The following KDM4A variants were observed in gnomAD, a reference collection of about 807,000 sequenced individuals.
KDM4A encodes the protein lysine-specific demethylase 4A.
A neutral mutation model predicts 127.1 loss-of-function variants in KDM4A; 23 were observed. The observed-to-expected ratio is 0.18, with a 90% CI of 0.13 to 0.26. The LOEUF (loss-of-function observed/expected upper bound fraction) is 0.26. KDM4A is among the 10% of genes least tolerant of loss of function. The pLI, the probability that KDM4A is intolerant of heterozygous loss-of-function variation, is 1.00. For missense variants in KDM4A, 890 were observed against 1,329.1 expected (o/e 0.67, Z 5.14); for synonymous variants, 443 against 466.5 (o/e 0.95, Z 0.65).
chr1:43,701,333 G>A lies in KDM4A; in HGVS notation c.2842-2284G>A, dbSNP rs558587684. 2.0e-3 allele frequency among the ~76,000 whole-genome samples: 306 copies of A among 152,268 alleles called. 1 individual carries two copies. Among genetic ancestry groups the A allele is most frequent in the Non-Finnish European group, 3.3e-3 (223 of 68,014 alleles). On this transcript the variant is annotated intron_variant, in intron 19 of 21. Transcript: ENST00000372396. ...CCGCTTCTCTGAAATGCTAATATTT[G>A]TTTGAAAGCCTGAATTTTACTATTG...
chr1:43,663,225 C>T (rs1660424359), intron 5 of KDM4A, 138 bp downstream of exon 5: 1 of 714,186 alleles, frequency 1.4e-6, no homozygotes, highest in Non-Finnish European at 2.3e-6. Context: ...ATGTTTTAAA[C>T]ACACTTTCAA....
At chr1:43,700,197 A>G (rs1661352785) in intron 19 of KDM4A, 1 of 151,556 alleles carries the variant, frequency 6.6e-6, no homozygotes, top group Admixed American at 6.6e-5. Flanking sequence ...CAGTGATCTC[A>G]ACTCACTGCA....
At chr1:43,658,722 C>T (rs1660305098) in intron 3 of KDM4A, among the ~76,000 whole-genome samples, 1 of 151,900 alleles carries the variant, frequency 6.6e-6, no homozygotes, top group Non-Finnish European at 1.5e-5. Flanking sequence ...ACAGGATGGT[C>T]TTGATCTCCT....
chr1:43,655,513 G>T, intron 2 of KDM4A, 78 bp from the exon 3 acceptor site: 2 of 1,279,146 alleles, frequency 1.6e-6, no homozygotes, highest in Non-Finnish European at 2.2e-6. Flanking sequence ...TAGGTTGGCT[G>T]GTAACTACAT....
intron 3 of KDM4A, among the ~76,000 whole-genome samples, chr1:43,658,853 T>C (rs1450779880): frequency 6.6e-6 from 1 of 151,964 alleles, no homozygotes; most frequent in African/African-American, 2.4e-5. Context: ...GCCATGTTGC[T>C]GGTCTCAAAC....
Position 43,671,884 on chromosome 1 carries a change from T to A in KDM4A, c.1734+9T>A. The stretch of plus-strand genomic sequence containing the variant: ...AGCGGGAGCTGGCAGAGGTATGGGC[T>A]CCAGGCAGTGGTGTGGGGTGGGGAG... On this transcript the variant is annotated intron_variant, in intron 11 of 21. Transcript: ENST00000372396. The A allele has an allele frequency of 1.3e-6, 2 of 1,545,804 alleles. No homozygotes were observed. The highest frequency in any genetic ancestry group is 1.7e-6 in the Non-Finnish European group (2 of 1,144,840).
intron 5 of KDM4A, among the ~76,000 whole-genome samples, chr1:43,664,145 GT>G (rs1660447904): frequency 6.6e-6 from 1 of 152,198 alleles, no homozygotes; most frequent in Non-Finnish European, 1.5e-5. Context: ...TTTCAAAGAG[GT>G]GACAAGTGAG....
Position 43,688,628 on chromosome 1 carries a change from GGA to G in KDM4A, c.1856-282_1856-281del, listed in dbSNP as rs1026390034. 1.7e-4 allele frequency among the ~76,000 whole-genome samples: 26 copies of G among 152,264 alleles called. No homozygotes were observed. Among genetic ancestry groups the G allele is most frequent in the Middle Eastern group, 6.8e-3 (2 of 294 alleles). On this transcript the variant is annotated intron_variant, in intron 12 of 21. Coordinates refer to ENST00000372396, the MANE Select transcript of KDM4A (RefSeq NM_014663.3). The surrounding 1 kb of genome is among the most constrained non-coding windows in gnomAD (Gnocchi z 4.4). ...AGGGCTGAATGTGGCAGCTGTTAAG[GGA>G]GAGTAGAGCAAGCTGAGCTCGTGGG...
Position 43,694,976 on chromosome 1 carries a change from C to A in KDM4A, c.2670+82C>A. 2.3e-6 allele frequency: 3 copies of A among 1,306,226 alleles called. No homozygotes were observed. The highest frequency in any genetic ancestry group is 3.2e-6 in the Non-Finnish European group (3 of 950,392). 80.9% of individuals were successfully genotyped at this position (1,306,226 alleles called of 1,614,324 possible). The stretch of plus-strand genomic sequence containing the variant: ...GCATGTTTTCCATTTGTTGTATCAG[C>A]AACTATTTCCTCAAGCATTCTGCAT... On this transcript the variant is annotated intron_variant, in intron 18 of 21. Transcript: ENST00000372396. The surrounding 1 kb of genome is among the most constrained non-coding windows in gnomAD (Gnocchi z 5.2).
chr1:43,688,849 T>G lies in KDM4A; in HGVS notation c.1856-65T>G, dbSNP rs1423469210. On this transcript the variant is annotated intron_variant, in intron 12 of 21. Coordinates refer to ENST00000372396, the MANE Select transcript of KDM4A (RefSeq NM_014663.3). The surrounding 1 kb of genome is among the most constrained non-coding windows in gnomAD (Gnocchi z 4.4). ...CAGGAGTCCTAGTGGAACTCATCTG[T>G]TCTCCAGGCAGAGCCACAGATGTGC... The G allele has an allele frequency of 1.4e-6, 2 of 1,467,652 alleles. No individual in the cohort carries two copies. The highest frequency in any genetic ancestry group is 1.9e-6 in the Non-Finnish European group (2 of 1,064,102). 90.9% of individuals were successfully genotyped at this position (1,467,652 alleles called of 1,614,324 possible). A position where few individuals can be genotyped will look rare whatever the true frequency, so the allele number is the denominator to read the frequency against.
At chr1:43,677,148 C>G (rs1476580576) in intron 11 of KDM4A, among the ~76,000 whole-genome samples, 1 of 152,052 alleles carries the variant, frequency 6.6e-6, no homozygotes, top group Non-Finnish European at 1.5e-5. Context: ...AGTGCGAGAC[C>G]AGCCTGGCCA....
chr1:43,669,033 G>GT (rs1660561101), intron 9 of KDM4A, 67 bp from the exon 10 acceptor site: 1 of 1,535,172 alleles, frequency 6.5e-7, no homozygotes, highest in South Asian at 1.1e-5. Flanking sequence ...GTGTGGATGT[G>GT]TATGAATGTG....
intron 15 of KDM4A, among the ~76,000 whole-genome samples, chr1:43,692,026 C>A (rs1022179817): frequency 9.8e-5 from 15 of 152,330 alleles, no homozygotes; most frequent in African/African-American, 3.6e-4. Flanking sequence ...TTAGCAGCAA[C>A]AATGAAGAGG....
Position 43,704,327 on chromosome 1 carries a change from A to C in KDM4A, c.3152A>C (p.Glu1051Ala). 1 of 1,613,978 alleles carries C rather than the reference A, an allele frequency of 6.2e-7. No homozygotes were observed. Among genetic ancestry groups the C allele is most frequent in the Non-Finnish European group, 8.5e-7 (1 of 1,180,028 alleles). ...CGAGTTATCAACTCAAGATACCGGG[A>C]AGATTATATTGAGCCTGCACTATAC... ...RQRVINSRYR[E>A]DYIEPALYRA... Residue 1051 changes from glutamate to alanine, a missense_variant, in exon 22 of 22, where the codon GAA becomes GCA. This residue lies in a region of KDM4A where 246 missense variants were observed against 418.4 expected (regional missense o/e 0.59). Coordinates refer to ENST00000372396, the MANE Select transcript of KDM4A (RefSeq NM_014663.3).
At chr1:43,690,298 A>G (rs1183030774) in intron 13 of KDM4A, among the ~76,000 whole-genome samples, 2 of 151,862 alleles carry the variant, frequency 1.3e-5, no homozygotes, top group African/African-American at 4.8e-5. Flanking sequence ...AGCCCACAGT[A>G]GCAGCCTAGC....
At position 43,694,515 on chromosome 1, in the gene KDM4A, C is replaced by CAAAA. The variant is rs35419389; in HGVS notation, c.2485-178_2485-175dup. 1.0e-4 allele frequency among the ~76,000 whole-genome samples: 11 copies of CAAAA among 107,338 alleles called. No individual in the cohort carries two copies. The highest frequency in any genetic ancestry group is 3.8e-4 in the African/African-American group (11 of 28,730). The allele number at this position is 107,338 out of a possible 152,430, so 70.4% of individuals were successfully genotyped here. A position where few individuals can be genotyped will look rare whatever the true frequency, so the allele number is the denominator to read the frequency against. On this transcript the variant is annotated intron_variant, in intron 17 of 21. Coordinates refer to ENST00000372396, the MANE Select transcript of KDM4A (RefSeq NM_014663.3). This position sits in a 1 kb window ranked among gnomAD's most constrained non-coding sequence, Gnocchi z 5.2. ...TGGGTGACAGAGCAAGACTCCGTCT[C>CAAAA]AAAAAAAAAAAAAAAAAAATTTCCT...
chr1:43,702,457 G>A (rs1420930124), intron 19 of KDM4A: 2 of 152,166 alleles, frequency 1.3e-5, no homozygotes, highest in Non-Finnish European at 2.9e-5. Context: ...ACTGTAGCAT[G>A]ATTGTAAGAG....
At position 43,704,782 on chromosome 1, in the gene KDM4A, T is replaced by TGTGC. The variant is rs59753518; in HGVS notation, c.*432_*435dup. ...TTTTGTATTTATATGTGTGTGTGTGTGTGCGTGCGTGCGTGCGTGCGTGTA... is the reference window on the plus strand; with the variant it reads ...TTTTGTATTTATATGTGTGTGTGTGTGTGCGTGCGTGCGTGCGTGCGTGCGTGTA... On this transcript the variant is annotated 3_prime_UTR_variant, in exon 22 of 22. Coordinates refer to ENST00000372396, the MANE Select transcript of KDM4A (RefSeq NM_014663.3). 741 of 202,964 alleles carry TGTGC rather than the reference T, an allele frequency of 3.7e-3. 6 individuals carry two copies. Among genetic ancestry groups the TGTGC allele is most frequent in the African/African-American group, 0.015 (624 of 42,326 alleles). The allele number at this position is 202,964 out of a possible 1,614,324, so 12.6% of individuals were successfully genotyped here.
intron 11 of KDM4A, among the ~76,000 whole-genome samples, chr1:43,681,658 C>T (rs1660861886): frequency 6.6e-6 from 1 of 152,142 alleles, no homozygotes; most frequent in Non-Finnish European, 1.5e-5. Flanking sequence ...TTTCCCTAGT[C>T]TGCCACAGCC....
Sources: allele counts gnomAD v4.1 joint callset (sites outside exome capture counted in the v4.1 genomes callset), GRCh38; gene constraint gnomAD v4.1.1; regional missense constraint gnomAD v4.1.1; non-coding constraint Gnocchi (gnomAD v3.1); transcripts MANE v1.5; gene names NCBI Gene and HGNC (gene_info 2026-07-23, HGNC 2026-07-21).